Variants in MACROD2 observed in about 807,000 individuals in gnomAD.
The protein encoded by MACROD2 is mono-ADP ribosylhydrolase 2, also known as ADP-ribose glycohydrolase MACROD2.
MACROD2 carries 36 observed loss-of-function variants against 70.4 expected under a neutral mutation model. That is an observed-to-expected ratio of 0.51 (90% CI 0.39 to 0.68). The LOEUF is 0.68. MACROD2 is among the 30% of genes least tolerant of loss of function. MACROD2 has a pLI of 0.00. For synonymous variants in MACROD2, 172 were observed against 178.8 expected, an observed-to-expected ratio of 0.96 and a Z score of 0.30; for missense variants, 496 against 538.4, an observed-to-expected ratio of 0.92 and a Z score of 0.78.
intron 8 of MACROD2, among the ~76,000 whole-genome samples, chr20:15,810,750 T>G (rs1431852025): frequency 6.6e-6 from 1 of 152,128 alleles, no homozygotes; most frequent in African/African-American, 2.4e-5. Flanking sequence ...TATAGACCAA[T>G]GGAACAGAAC....
chr20:14,783,154 G>C (rs932251808), intron 5 of MACROD2, among the ~76,000 whole-genome samples: 1 of 152,098 alleles, frequency 6.6e-6, no homozygotes, highest in Admixed American at 6.5e-5. Flanking sequence ...ATAACAATTT[G>C]AGGGATCATG....
chr20:15,099,614 C>T (rs1026335350), intron 5 of MACROD2, among the ~76,000 whole-genome samples: 7 of 152,062 alleles, frequency 4.6e-5, no homozygotes, highest in Non-Finnish European at 1.0e-4. Flanking sequence ...AGACAATAAT[C>T]GGTACTGAGA....
At chr20:14,020,380 G>T (rs1291708614) in intron 2 of MACROD2, among the ~76,000 whole-genome samples, 1 of 152,188 alleles carries the variant, frequency 6.6e-6, no homozygotes, top group African/African-American at 2.4e-5. Flanking sequence ...GGCTGAGGCA[G>T]GGGAATCACT....
intron 5 of MACROD2, among the ~76,000 whole-genome samples, chr20:15,138,746 A>G (rs2076170057): frequency 6.6e-6 from 1 of 152,210 alleles, no homozygotes; most frequent in African/African-American, 2.4e-5. Flanking sequence ...ATAAAGTCAT[A>G]TCTCAGTGAT....
intron 3 of MACROD2, among the ~76,000 whole-genome samples, chr20:14,140,877 TC>T (rs1453875092): frequency 1.3e-5 from 2 of 152,202 alleles, no homozygotes; most frequent in Non-Finnish European, 2.9e-5. Flanking sequence ...TATGGATCTT[TC>T]CTTCTATGTT....
chr20:15,421,508 A>C (rs1398067856), intron 6 of MACROD2, among the ~76,000 whole-genome samples: 1 of 152,230 alleles, frequency 6.6e-6, no homozygotes, highest in African/African-American at 2.4e-5. Context: ...CATAGACTAG[A>C]ATATGCTATT....
chr20:16,048,428 G>A lies in MACROD2; in HGVS notation c.1301-1402G>A, dbSNP rs913904034. ...TAAAATGTAGTAGTATCAAAGACAC[G>A]TGAAGAGACATGAAGGAGAAGAAGA... On this transcript the variant is annotated intron_variant, in intron 17 of 17. Transcript: ENST00000684519. Among the ~76,000 whole-genome samples, 79 of 152,072 alleles carry A rather than the reference G, an allele frequency of 5.2e-4. 1 individual carries two copies. Among genetic ancestry groups the A allele is most frequent in the African/African-American group, 1.5e-3 (62 of 41,408 alleles).
At chr20:14,473,253 C>T (rs879417647) in intron 3 of MACROD2, among the ~76,000 whole-genome samples, 25 of 152,228 alleles carry the variant, frequency 1.6e-4, no homozygotes, top group Non-Finnish European at 3.1e-4. Context: ...TTCATTCCTC[C>T]TATCTAACTG....
chr20:14,959,545 C>A (rs1365887266), intron 5 of MACROD2, among the ~76,000 whole-genome samples: 1 of 151,962 alleles, frequency 6.6e-6, no homozygotes, highest in Non-Finnish European at 1.5e-5. Context: ...AACCAACCAA[C>A]AAAAACCCAG....
chr20:15,833,790 C>T (rs73898523), intron 8 of MACROD2, among the ~76,000 whole-genome samples: 6,736 of 152,238 alleles, frequency 0.044, 534 homozygotes, highest in African/African-American at 0.15. Context: ...AAATTAACAT[C>T]ATTATAAATA....
chr20:14,835,252 A>G lies in MACROD2; in HGVS notation c.418+150293A>G, dbSNP rs546568907. Among the ~76,000 whole-genome samples the G allele has an allele frequency of 8.5e-5, 13 of 152,156 alleles. No individual in the cohort carries two copies. In the South Asian group the frequency reaches 2.7e-3, roughly 32 times the overall value. ...CCTGGACAGGTTCAGGAATCAGAGG[A>G]TGAAGGAAAGAGGATACATGAAGAC... On this transcript the variant is annotated intron_variant, in intron 5 of 17. Coordinates refer to ENST00000684519, the MANE Select transcript of MACROD2 (RefSeq NM_001351661.2).
intron 2 of MACROD2, among the ~76,000 whole-genome samples, chr20:14,013,669 T>G (rs1043560262): frequency 6.8e-6 from 1 of 146,426 alleles, no homozygotes; most frequent in East Asian, 2.0e-4. Flanking sequence ...TGTCCTTATA[T>G]TAAGCTTTTT....
chr20:15,091,273 T>C (rs1208029341), intron 5 of MACROD2, among the ~76,000 whole-genome samples: 1 of 151,700 alleles, frequency 6.6e-6, no homozygotes, highest in Admixed American at 6.6e-5. Context: ...TTGTTCCAAA[T>C]CTTACTTTGG....
intron 5 of MACROD2, among the ~76,000 whole-genome samples, chr20:14,829,834 A>G (rs1452978810): frequency 6.6e-6 from 1 of 152,142 alleles, no homozygotes; most frequent in African/African-American, 2.4e-5. Context: ...TACAGACAAA[A>G]TATCTTTGGT....
At position 14,449,684 on chromosome 20, in the gene MACROD2, A is replaced by G. The variant is rs2084223292; in HGVS notation, c.272-43795A>G. On this transcript the variant is annotated intron_variant, in intron 3 of 17. Coordinates refer to ENST00000684519, the MANE Select transcript of MACROD2 (RefSeq NM_001351661.2). ...ACCCGAGATGGTACAGGTACTCTATAAAGAATTGATATTTATAAGTCCCCT... is the reference window on the plus strand; with the variant it reads ...ACCCGAGATGGTACAGGTACTCTATGAAGAATTGATATTTATAAGTCCCCT... 1.3e-5 allele frequency among the ~76,000 whole-genome samples: 2 copies of G among 152,170 alleles called. 1 individual carries two copies. The highest frequency in any genetic ancestry group is 4.8e-5 in the African/African-American group (2 of 41,408).
intron 5 of MACROD2, among the ~76,000 whole-genome samples, chr20:14,978,663 A>G (rs1468951435): frequency 7.1e-6 from 1 of 140,760 alleles, no homozygotes; most frequent in East Asian, 2.3e-4. Context: ...GGAGGAGACA[A>G]TGATCCCTGT....
At chr20:15,036,301 T>A (rs2123012657) in intron 5 of MACROD2, among the ~76,000 whole-genome samples, 1 of 152,278 alleles carries the variant, frequency 6.6e-6, no homozygotes, top group Admixed American at 6.5e-5. Context: ...CAGTCGATAA[T>A]CCATAATTGC....
chr20:14,887,395 TTTTG>T (rs1289294430), intron 5 of MACROD2, among the ~76,000 whole-genome samples: 1 of 41,864 alleles, frequency 2.4e-5, no homozygotes, highest in African/African-American at 1.4e-4. Context: ...GATTAGCTTT[TTTTG>T]TTTTTTTTTT....
intron 14 of MACROD2, 127 bp from the exon 15 acceptor site, chr20:15,986,939 C>T (rs2066492717): frequency 6.8e-6 from 7 of 1,035,102 alleles, no homozygotes; most frequent in Non-Finnish European, 7.3e-6. Context: ...TAGTGTTCAA[C>T]TTGGTGTACC....
Sources: gnomAD v4.1 joint callset for allele counts (sites outside exome capture counted in the v4.1 genomes callset) on GRCh38, gnomAD v4.1.1 for gene constraint, MANE v1.5 for transcripts, NCBI Gene and HGNC (gene_info 2026-07-23, HGNC 2026-07-21) for gene names.